DDC: variants seen among roughly 807,000 people sequenced by gnomAD.
DDC encodes the protein dopa decarboxylase.
In DDC, 43 loss-of-function variants were observed where a neutral mutation model predicts 60.0. The observed-to-expected ratio is 0.72, with a 90% confidence interval of 0.56 to 0.92. The LOEUF is 0.92. Among genes scored for constraint, DDC ranks in the 40% least tolerant of loss-of-function variants. The pLI, the probability that DDC is intolerant of heterozygous loss-of-function variation, is 0.00. For missense variants in DDC, 573 were observed against 620.2 expected, an observed-to-expected ratio of 0.92 and a Z score of 0.81; for synonymous variants, 232 against 234.6, an observed-to-expected ratio of 0.99 and a Z score of 0.10.
At chr7:50,478,876 C>T (rs1413349275) in intron 10 of DDC, among the ~76,000 whole-genome samples, 1 of 152,118 alleles carries the variant, frequency 6.6e-6, no homozygotes, top group Non-Finnish European at 1.5e-5. Flanking sequence ...GCAATATTTG[C>T]ATTTGAGTGG....
chr7:50,479,466 C>T (rs949997393), intron 10 of DDC, among the ~76,000 whole-genome samples: 5 of 152,224 alleles, frequency 3.3e-5, no homozygotes, highest in African/African-American at 9.6e-5. Flanking sequence ...ATGTTAAAGA[C>T]GTTTCCTTAT....
intron 8 of DDC, 98 bp downstream of exon 8, chr7:50,499,050 T>G: frequency 3.0e-6 from 3 of 998,318 alleles, no homozygotes; most frequent in Non-Finnish European, 3.2e-6. Flanking sequence ...GAAACAAACC[T>G]CAATAGCAAG....
At chr7:50,555,427 C>A (rs548500506) in intron 1 of DDC, among the ~76,000 whole-genome samples, 22 of 152,288 alleles carry the variant, frequency 1.4e-4, no homozygotes, top group Middle Eastern at 6.8e-3. Context: ...AAAGGACTGT[C>A]CCAGGTGTGA....
At chr7:50,532,149 C>T (rs551120569) in intron 4 of DDC, among the ~76,000 whole-genome samples, 25 of 152,312 alleles carry the variant, frequency 1.6e-4, no homozygotes, top group African/African-American at 5.8e-4. Context: ...GGCTGGCTCA[C>T]AGGCTGTCAC....
chr7:50,481,906 C>T (rs181916054), intron 9 of DDC, among the ~76,000 whole-genome samples: 125 of 152,300 alleles, frequency 8.2e-4, no homozygotes, highest in Non-Finnish European at 1.5e-3. Flanking sequence ...TTCATTCATG[C>T]GCAGGGCTCT....
chr7:50,520,056 C>T (rs1405168450), intron 6 of DDC, among the ~76,000 whole-genome samples: 2 of 152,110 alleles, frequency 1.3e-5, no homozygotes, highest in Non-Finnish European at 2.9e-5. Context: ...TAAGGAGAAA[C>T]AGATAAACTC....
At chr7:50,564,809 G>A (rs961364070) in intron 1 of DDC, among the ~76,000 whole-genome samples, 1 of 152,134 alleles carries the variant, frequency 6.6e-6, no homozygotes, top group Non-Finnish European at 1.5e-5. Flanking sequence ...CAAAAGGAGA[G>A]AGCCCTGACG....
chr7:50,540,231 T>G, intron 2 of DDC: 1 of 596,812 alleles, frequency 1.7e-6, no homozygotes, highest in Non-Finnish European at 3.1e-6. Flanking sequence ...CTGTCCCCAC[T>G]CCCTTTAAAC....
chr7:50,497,810 T>G (rs1018614442), intron 8 of DDC, among the ~76,000 whole-genome samples: 1 of 152,224 alleles, frequency 6.6e-6, no homozygotes, highest in South Asian at 2.1e-4. Context: ...ATTGAATGAA[T>G]GAGTGAATGA....
chr7:50,515,500 T>C (rs1206617131), intron 6 of DDC, among the ~76,000 whole-genome samples: 3 of 151,866 alleles, frequency 2.0e-5, no homozygotes, highest in Non-Finnish European at 4.4e-5. Flanking sequence ...AAAATACAAG[T>C]TAAAAAGCAA....
Position 50,538,404 on chromosome 7 carries a change from T to G in DDC, c.316-425A>C, listed in dbSNP as rs567597567. ...CTCCCAGTGACTTTTCTCTATGAAC[T>G]CTCCCCTCTCTCTGAACAGGCTGGT... On this transcript the variant is annotated intron_variant, in intron 3 of 14. Coordinates refer to ENST00000444124, the MANE Select transcript of DDC (RefSeq NM_001082971.2). 4.6e-5 allele frequency among the ~76,000 whole-genome samples: 7 copies of G among 152,246 alleles called. No homozygotes were observed. In the East Asian group the frequency reaches 1.4e-3, roughly 29 times the overall value.
chr7:50,465,663 C>T (rs1420958936), intron 13 of DDC, among the ~76,000 whole-genome samples: 2 of 152,230 alleles, frequency 1.3e-5, no homozygotes, highest in Non-Finnish European at 2.9e-5. Context: ...TGAGCCACCA[C>T]GCCCAGCCCA....
At chr7:50,495,646 T>C (rs979421430) in intron 8 of DDC, among the ~76,000 whole-genome samples, 15 of 152,112 alleles carry the variant, frequency 9.9e-5, no homozygotes, top group Non-Finnish European at 1.8e-4. Flanking sequence ...GGGGTGGGTA[T>C]ATGTATTTAG....
intron 6 of DDC, among the ~76,000 whole-genome samples, chr7:50,506,412 G>A (rs1333139052): frequency 6.6e-6 from 1 of 152,196 alleles, no homozygotes; most frequent in Non-Finnish European, 1.5e-5. Flanking sequence ...TAAATGACGA[G>A]TTAATGGGTG....
chr7:50,559,031 T>TCTACCTC (rs1157028213), intron 1 of DDC, among the ~76,000 whole-genome samples: 2 of 152,208 alleles, frequency 1.3e-5, no homozygotes, highest in Non-Finnish European at 2.9e-5. Context: ...GTGCCTCTCC[T>TCTACCTC]CTACCTCCTC....
intron 13 of DDC, among the ~76,000 whole-genome samples, chr7:50,465,507 G>T (rs2042375390): frequency 6.6e-6 from 1 of 152,066 alleles, no homozygotes; most frequent in Non-Finnish European, 1.5e-5. Flanking sequence ...GAGTAGCTGG[G>T]ATTACAAGCA....
At chr7:50,536,619 A>G (rs957768130) in intron 4 of DDC, among the ~76,000 whole-genome samples, 2 of 152,258 alleles carry the variant, frequency 1.3e-5, no homozygotes, top group Non-Finnish European at 2.9e-5. Flanking sequence ...CTTTGGTTTT[A>G]GCCCAGTAAG....
At chr7:50,559,186 G>A (rs968375848) in intron 1 of DDC, among the ~76,000 whole-genome samples, 1 of 152,184 alleles carries the variant, frequency 6.6e-6, no homozygotes, top group Non-Finnish European at 1.5e-5. Context: ...AGGGAAGCAT[G>A]CAGCAGGCAC....
chr7:50,549,596 G>T (rs2153552127), intron 1 of DDC, among the ~76,000 whole-genome samples: 1 of 150,946 alleles, frequency 6.6e-6, no homozygotes, highest in South Asian at 2.1e-4. Flanking sequence ...GGAGCTTGCA[G>T]CAGTAAGCCA....
Sources: gnomAD v4.1 joint callset for allele counts (sites outside exome capture counted in the v4.1 genomes callset) on GRCh38, gnomAD v4.1.1 for gene constraint, MANE v1.5 for transcripts, NCBI Gene and HGNC (gene_info 2026-07-23, HGNC 2026-07-21) for gene names.